Variants in DPH6 observed in about 807,000 individuals in gnomAD.
DPH6 encodes diphthamine biosynthesis 6.
Under a neutral mutation model 38.2 loss-of-function variants are expected in DPH6, and 33 were observed. The ratio of observed to expected loss-of-function variants is 0.86; its 90% CI spans 0.65 to 1.15. The LOEUF is 1.15. Among genes scored for constraint, DPH6 ranks in the 50% most tolerant of loss-of-function variants. The pLI, the probability that DPH6 is intolerant of heterozygous loss-of-function variation, is 0.00. For synonymous variants in DPH6, 108 were observed against 103.0 expected (o/e 1.05, Z -0.30); for missense variants, 325 against 320.0 (o/e 1.02, Z -0.12).
chr15:35,182,638 A>G, the DPH6 span, among the ~76,000 whole-genome samples: 2 of 152,212 alleles, frequency 1.3e-5, no homozygotes, highest in African/African-American at 4.8e-5. Context: ...GAACAAAGGA[A>G]TGTATGACAA....
chr15:35,504,214 C>A lies in DPH6; in HGVS notation c.312+34060G>T, dbSNP rs77670329. ...GGGGTCTCCAAACTCCTCAGCAAGG[C>A]ACACAAGGCTCTTCACAACCTGCCC... is the stretch of plus-strand genomic sequence containing the variant. On this transcript the variant is annotated intron_variant, in intron 3 of 8. Coordinates refer to ENST00000256538, the MANE Select transcript of DPH6 (RefSeq NM_080650.4). 3.1e-3 allele frequency among the ~76,000 whole-genome samples: 470 copies of A among 152,098 alleles called. 3 individuals carry two copies. In the East Asian group the frequency reaches 0.034, roughly 11 times the overall value.
At chr15:35,422,716 C>T (rs900853658) in intron 5 of DPH6, among the ~76,000 whole-genome samples, 12 of 151,838 alleles carry the variant, frequency 7.9e-5, no homozygotes, top group African/African-American at 2.9e-4. Flanking sequence ...TCAACATCTT[C>T]CCAAATCCTC....
chr15:35,516,668 A>G (rs2054851797), intron 3 of DPH6, among the ~76,000 whole-genome samples: 1 of 152,186 alleles, frequency 6.6e-6, no homozygotes. Flanking sequence ...TCATTAAAGG[A>G]TAAAAACATA....
At chr15:35,496,480 G>A (rs548810153) in intron 3 of DPH6, among the ~76,000 whole-genome samples, 5 of 147,694 alleles carry the variant, frequency 3.4e-5, no homozygotes, top group African/African-American at 5.0e-5. Flanking sequence ...GCTAGAACCC[G>A]GGAGGCGGAG....
rs1159812307 is a variant in DPH6, at chr15:35,340,580, C to A, written n.208-9503G>T. Among the ~76,000 whole-genome samples, 3 of 152,172 alleles carry A rather than the reference C, an allele frequency of 2.0e-5. No homozygotes were observed. In the East Asian group the frequency reaches 5.8e-4, roughly 29 times the overall value. On this transcript the variant is annotated intron_variant and non_coding_transcript_variant, in intron 3 of 3. Transcript: ENST00000558973. ...TCTTGCAAGGCAAACCTGGTAGTGA[C>A]AAACTCCCTCAGCATGTGTTTGTCT...
chr15:35,182,496 G>C, the DPH6 span, among the ~76,000 whole-genome samples: 69 of 151,750 alleles, frequency 4.5e-4, no homozygotes, highest in Non-Finnish European at 7.4e-4. Flanking sequence ...ACTCCCCATC[G>C]ATAGCATGTA....
chr15:35,419,681 A>C (rs980164300), intron 5 of DPH6, among the ~76,000 whole-genome samples: 8 of 152,206 alleles, frequency 5.3e-5, no homozygotes, highest in African/African-American at 1.9e-4. Flanking sequence ...TTTTAGGTCG[A>C]AAACTGTAAA....
chr15:35,227,174 CTTTTTTTTTTTTT>C (rs71415001), intron 3 of DPH6, among the ~76,000 whole-genome samples: 7 of 77,036 alleles, frequency 9.1e-5, no homozygotes, highest in South Asian at 4.4e-4. Context: ...ATAACATCTT[CTTTTTTTTTTTTT>C]TTTTTTTTTT....
At chr15:35,221,051 C>T (rs372641292) in intron 3 of DPH6, among the ~76,000 whole-genome samples, 7 of 152,236 alleles carry the variant, frequency 4.6e-5, no homozygotes, top group South Asian at 4.2e-4. Flanking sequence ...AACACCAAGG[C>T]GGAACAGGCA....
At chr15:35,410,997 G>A in intron 5 of DPH6, 101 bp from the exon 6 acceptor site, 1 of 1,007,100 alleles carries the variant, frequency 9.9e-7, no homozygotes, top group Non-Finnish European at 1.4e-6. Flanking sequence ...AAAGCAGTGT[G>A]TATATATTTT....
intron 6 of DPH6, among the ~76,000 whole-genome samples, chr15:35,390,871 T>C (rs962031084): frequency 6.6e-6 from 1 of 152,232 alleles, no homozygotes; most frequent in Non-Finnish European, 1.5e-5. Context: ...CCAGCTTTGC[T>C]CCATTGCTGG....
intron 8 of DPH6, 135 bp downstream of exon 8, chr15:35,373,386 G>T: frequency 1.5e-6 from 1 of 651,228 alleles, no homozygotes; most frequent in Non-Finnish European, 2.5e-6. Context: ...TGACTGAGGA[G>T]CTGAAAAAAA....
chr15:35,179,485 A>C, the DPH6 span, among the ~76,000 whole-genome samples: 7 of 152,178 alleles, frequency 4.6e-5, no homozygotes, highest in Admixed American at 4.6e-4. Flanking sequence ...AACTATAAAA[A>C]TCTATGTTTT....
the DPH6 span, among the ~76,000 whole-genome samples, chr15:35,190,992 G>A: frequency 3.9e-5 from 6 of 152,180 alleles, no homozygotes; most frequent in Non-Finnish European, 8.8e-5. Flanking sequence ...GGTAGCTTCT[G>A]AGGCCTTCCT....
chr15:35,368,954 A>AT (rs1241297606), downstream of DPH6, among the ~76,000 whole-genome samples: 1 of 151,832 alleles, frequency 6.6e-6, no homozygotes, highest in Non-Finnish European at 1.5e-5. Flanking sequence ...CAGAAAATAC[A>AT]TAATTCCAGA....
chr15:35,376,844 C>T (rs769580146), intron 7 of DPH6, among the ~76,000 whole-genome samples: 4 of 152,124 alleles, frequency 2.6e-5, no homozygotes, highest in Admixed American at 6.5e-5. Flanking sequence ...ATGTAGTAGG[C>T]TATACCATCT....
At chr15:35,511,190 G>T (rs968213477) in intron 3 of DPH6, among the ~76,000 whole-genome samples, 4 of 152,054 alleles carry the variant, frequency 2.6e-5, no homozygotes, top group Admixed American at 6.6e-5. Context: ...TCTAATCTAA[G>T]AGTTTATCTG....
In DPH6 at chr15:35,356,255, GATC is replaced by G. The variant is rs2052559145; in HGVS notation, n.207+17263_207+17265del. 2.6e-5 allele frequency among the ~76,000 whole-genome samples: 4 copies of G among 152,262 alleles called. No individual in the cohort carries two copies. In the South Asian group the frequency reaches 8.3e-4, roughly 32 times the overall value. Reference sequence around the variant, plus strand: ...TTCCTCCCTTAGCTCAGAGTAGTTTGATCATCTGAAGACTTCTTCTCTCAACTC... The same window carrying G: ...TTCCTCCCTTAGCTCAGAGTAGTTTGATCTGAAGACTTCTTCTCTCAACTC... On this transcript the variant is annotated intron_variant and non_coding_transcript_variant, in intron 3 of 3. Coordinates refer to the DPH6 transcript ENST00000558973.
chr15:35,190,234 G>A, the DPH6 span, among the ~76,000 whole-genome samples: 1 of 152,210 alleles, frequency 6.6e-6, no homozygotes, highest in East Asian at 1.9e-4. Flanking sequence ...CTTGCCCGCT[G>A]CCTAGACAGA....
Sources: gnomAD v4.1 joint callset for allele counts (sites outside exome capture counted in the v4.1 genomes callset) on GRCh38, gnomAD v4.1.1 for gene constraint, MANE v1.5 for transcripts, NCBI Gene and HGNC (gene_info 2026-07-23, HGNC 2026-07-21) for gene names.